Variants in RHCE observed in about 807,000 individuals in gnomAD.
RHCE encodes blood group Rh(CE) polypeptide.
In RHCE, 22 loss-of-function variants were observed where a neutral mutation model predicts 43.8. The observed-to-expected ratio is 0.50, with a 90% CI of 0.36 to 0.72. The LOEUF (loss-of-function observed/expected upper bound fraction) is 0.72. RHCE is among the 30% of genes least tolerant of loss of function. The pLI is 0.00. For missense variants in RHCE, 385 were observed against 525.4 expected, an observed-to-expected ratio of 0.73 and a Z score of 2.61; for synonymous variants, 156 against 210.7, an observed-to-expected ratio of 0.74 and a Z score of 2.25.
At position 25,403,739 on chromosome 1, in the gene RHCE, G is replaced by A. The variant is rs534822865; in HGVS notation, c.336-993C>T. Among the ~76,000 whole-genome samples, 7 of 151,626 alleles carry A rather than the reference G, an allele frequency of 4.6e-5. No homozygotes were observed. The South Asian group carries it at 1.5e-3, about 32-fold the overall frequency. The stretch of plus-strand genomic sequence containing the variant: ...ATGGACATCCAGTCTCCCCTGAGCA[G>A]CTTGCTCTGAGACTCCCTCCTCCCT... On this transcript the variant is annotated intron_variant, in intron 2 of 9. Coordinates refer to ENST00000294413, the MANE Select transcript of RHCE (RefSeq NM_020485.8).
Position 25,386,842 on chromosome 1 carries a change from AACAC to A in RHCE, c.940-1002_940-999del, listed in dbSNP as rs3079633. The stretch of plus-strand genomic sequence containing the variant: ...GTCTCAACAACAACAACAACAACAA[AACAC>A]ACACACACACACACACACACACACA... On this transcript the variant is annotated intron_variant, in intron 6 of 9. Coordinates refer to ENST00000294413, the MANE Select transcript of RHCE (RefSeq NM_020485.8). 4.0e-3 allele frequency among the ~76,000 whole-genome samples: 556 copies of A among 138,832 alleles called. 2 individuals are homozygous for A. The highest frequency in any genetic ancestry group is 0.025 in the Middle Eastern group (7 of 282). The allele number at this position is 138,832 out of a possible 152,430, so 91.1% of individuals were successfully genotyped here.
chr1:25,382,886 T>G (rs1243117425), intron 7 of RHCE, among the ~76,000 whole-genome samples: 3 of 152,212 alleles, frequency 2.0e-5, no homozygotes, highest in Non-Finnish European at 4.4e-5. Context: ...TTTCTCCAAA[T>G]AGACTTATTT....
intron 2 of RHCE, among the ~76,000 whole-genome samples, chr1:25,405,026 A>C (rs1184935109): frequency 6.7e-6 from 1 of 148,242 alleles, no homozygotes; most frequent in Non-Finnish European, 1.5e-5. Flanking sequence ...CTCCATCTCT[A>C]CAAAAAGCAA....
At chr1:25,376,872 C>T (rs2124344772) in intron 7 of RHCE, among the ~76,000 whole-genome samples, 1 of 151,870 alleles carries the variant, frequency 6.6e-6, no homozygotes, top group South Asian at 2.1e-4. Flanking sequence ...TGAGATCACG[C>T]CACTGCACTC....
At chr1:25,418,478 A>C (rs549149799) in intron 1 of RHCE, among the ~76,000 whole-genome samples, 2 of 146,592 alleles carry the variant, frequency 1.4e-5, no homozygotes, top group South Asian at 4.3e-4. Flanking sequence ...AGTTTTTATA[A>C]TTTTAGTAGA....
chr1:25,396,986 C>A (rs1388692309), intron 3 of RHCE, among the ~76,000 whole-genome samples: 1 of 145,888 alleles, frequency 6.9e-6, no homozygotes, highest in Non-Finnish European at 1.5e-5. Flanking sequence ...TGGTGGCATG[C>A]CCCTAATCCC....
At chr1:25,415,006 C>A (rs969688204) in intron 1 of RHCE, among the ~76,000 whole-genome samples, 2 of 152,084 alleles carry the variant, frequency 1.3e-5, no homozygotes, top group Admixed American at 6.6e-5. Context: ...ATATCATAGG[C>A]CCCTTAACTC....
chr1:25,386,680 G>A (rs1309569891), intron 6 of RHCE, among the ~76,000 whole-genome samples: 1 of 152,170 alleles, frequency 6.6e-6, no homozygotes, highest in Non-Finnish European at 1.5e-5. Flanking sequence ...AAATTAGCTG[G>A]GCGTGGTGGA....
chr1:25,370,506 A>G lies in RHCE; in HGVS notation c.1188T>C (p.Pro396=). 3.1e-6 allele frequency: 5 copies of G among 1,612,612 alleles called. No homozygotes were observed. The highest frequency in any genetic ancestry group is 4.2e-6 in the Non-Finnish European group (5 of 1,179,320). ...LLLNLKIWKA[P]HVAKYFDDQV... Reference sequence around the variant, plus strand: ...GGTCATCAAAATATTTAGCCACATGAGGTGCTTTCCATATTTTGAGATTTA... The same window carrying G: ...GGTCATCAAAATATTTAGCCACATGGGGTGCTTTCCATATTTTGAGATTTA... Residue 396 remains proline, a synonymous_variant, in exon 9 of 10, where the codon CCT becomes CCC. Coordinates refer to ENST00000294413, the MANE Select transcript of RHCE (RefSeq NM_020485.8).
chr1:25,425,655 CG>C (rs546966479), upstream of RHCE, among the ~76,000 whole-genome samples: 275 of 152,296 alleles, frequency 1.8e-3, 1 homozygote, highest in Non-Finnish European at 3.0e-3. Flanking sequence ...GCTATGTCCA[CG>C]GCGTGCTGGT....
At chr1:25,391,613 C>A (rs1646367951) in intron 4 of RHCE, among the ~76,000 whole-genome samples, 1 of 152,050 alleles carries the variant, frequency 6.6e-6, no homozygotes, top group Non-Finnish European at 1.5e-5. Flanking sequence ...AGTCTAAGTT[C>A]ATCATTTTCC....
intron 1 of RHCE, among the ~76,000 whole-genome samples, chr1:25,409,085 GGAGCTA>G (rs1646998310): frequency 8.1e-6 from 1 of 123,594 alleles, no homozygotes; most frequent in African/African-American, 2.5e-5. Context: ...AAGGATTAGA[GGAGCTA>G]AAGCTAATTA....
intron 7 of RHCE, among the ~76,000 whole-genome samples, chr1:25,377,335 T>A (rs547734131): frequency 1.3e-5 from 2 of 152,028 alleles, no homozygotes; most frequent in East Asian, 3.9e-4. Flanking sequence ...TAGCTGAGAC[T>A]ACAGGCAAGA....
At chr1:25,369,000 A>G (rs1046458858) in intron 9 of RHCE, among the ~76,000 whole-genome samples, 10 of 151,734 alleles carry the variant, frequency 6.6e-5, no homozygotes, top group Non-Finnish European at 1.2e-4. Flanking sequence ...ACCTCAAGTG[A>G]TCCACCCGCC....
chr1:25,416,605 G>A (rs748644762), intron 1 of RHCE, among the ~76,000 whole-genome samples: 18 of 151,528 alleles, frequency 1.2e-4, no homozygotes, highest in Non-Finnish European at 2.4e-4. Context: ...TTACAGTCTC[G>A]CTTCACCTCA....
At chr1:25,381,528 C>T (rs1407493542) in intron 7 of RHCE, among the ~76,000 whole-genome samples, 1 of 150,686 alleles carries the variant, frequency 6.6e-6, no homozygotes, top group Non-Finnish European at 1.5e-5. Context: ...ACGATCTCAG[C>T]TCACTGCAAC....
intron 7 of RHCE, among the ~76,000 whole-genome samples, chr1:25,381,713 C>T (rs1397817734): frequency 1.3e-5 from 2 of 151,320 alleles, no homozygotes; most frequent in Non-Finnish European, 2.9e-5. Context: ...CTGCTTTGGC[C>T]TCCCAAAGTG....
At chr1:25,378,801 T>C (rs1473247063) in intron 7 of RHCE, among the ~76,000 whole-genome samples, 2 of 152,206 alleles carry the variant, frequency 1.3e-5, no homozygotes, top group African/African-American at 4.8e-5. Context: ...GCCTCTTTTT[T>C]ACAGGGGAAC....
In RHCE at chr1:25,413,351, C is replaced by T. The variant is rs550382526; in HGVS notation, c.149-4482G>A. Reference sequence around the variant, plus strand: ...CATTTCCACCCGTCCATTATCTGGGCTCCCGCTTCAGGGCTGGGTCCCAGC... The same window carrying T: ...CATTTCCACCCGTCCATTATCTGGGTTCCCGCTTCAGGGCTGGGTCCCAGC... On this transcript the variant is annotated intron_variant, in intron 1 of 9. Transcript: ENST00000294413. 2.6e-5 allele frequency among the ~76,000 whole-genome samples: 4 copies of T among 152,298 alleles called. No individual in the cohort carries two copies. In the Middle Eastern group the frequency reaches 0.01, roughly 389 times the overall value.
Sources: allele counts gnomAD v4.1 joint callset (sites outside exome capture counted in the v4.1 genomes callset), GRCh38; gene constraint gnomAD v4.1.1; transcripts MANE v1.5; gene names NCBI Gene and HGNC (gene_info 2026-07-23, HGNC 2026-07-21).